The following ANKFN1 variants were observed in gnomAD, a reference collection of about 807,000 sequenced individuals.
ANKFN1 encodes ankyrin repeat and fibronectin type-III domain-containing protein 1.
A neutral mutation model predicts 108.7 loss-of-function variants in ANKFN1; 74 were observed. The ratio of observed to expected loss-of-function variants is 0.68; its 90% confidence interval spans 0.56 to 0.83. ANKFN1 has a LOEUF of 0.83. Among genes scored for constraint, ANKFN1 ranks in the 40% least tolerant of loss-of-function variants. The pLI is 0.00. For missense variants in ANKFN1, 1,505 were observed against 1,382.3 expected (o/e 1.09, Z -1.41); for synonymous variants, 547 against 516.2 (o/e 1.06, Z -0.81).
At chr17:56,276,151 A>G (rs1275331138) in intron 3 of ANKFN1, among the ~76,000 whole-genome samples, 1 of 152,122 alleles carries the variant, frequency 6.6e-6, no homozygotes, top group African/African-American at 2.4e-5. Context: ...TTTGCTGAGA[A>G]TGATGGTTTC....
chr17:56,498,194 T>A (rs999723529), intron 19 of ANKFN1, among the ~76,000 whole-genome samples: 4 of 152,280 alleles, frequency 2.6e-5, no homozygotes, highest in African/African-American at 9.6e-5. Flanking sequence ...TTTTGAACTT[T>A]AGAAGCCCTT....
intron 3 of ANKFN1, among the ~76,000 whole-genome samples, chr17:56,243,122 G>A (rs1417041575): frequency 6.6e-6 from 1 of 151,924 alleles, no homozygotes; most frequent in South Asian, 2.1e-4. Context: ...ATTTTCTTTT[G>A]TTGTTGTGGT....
In ANKFN1 at chr17:56,197,700, T is replaced by TTA. The variant is rs367661731; in HGVS notation, c.-70-14897_-70-14896insAT. On this transcript the variant is annotated intron_variant, in intron 1 of 20. Coordinates refer to ENST00000682825, the MANE Select transcript of ANKFN1 (RefSeq NM_001370326.1). The stretch of plus-strand genomic sequence containing the variant: ...AAGGACAAATCCCCTTAAAAACACT[T>TTA]TGTCTTCTGACTACCTGGATTTATA... Among the ~76,000 whole-genome samples, 262 of 152,364 alleles carry TTA rather than the reference T, an allele frequency of 1.7e-3. 3 individuals are homozygous for TTA. Among genetic ancestry groups the TTA allele is most frequent in the African/African-American group, 6.1e-3 (252 of 41,586 alleles).
chr17:56,382,871 A>T (rs2047147784), intron 8 of ANKFN1, among the ~76,000 whole-genome samples: 1 of 152,134 alleles, frequency 6.6e-6, no homozygotes, highest in Admixed American at 6.5e-5. Context: ...CTCCCACACA[A>T]TAATAATGGG....
chr17:56,047,068 A>T (rs1327107704), intron 4 of ANKFN1, among the ~76,000 whole-genome samples: 1 of 152,088 alleles, frequency 6.6e-6, no homozygotes, highest in Non-Finnish European at 1.5e-5. Context: ...GGTAAGAATG[A>T]TTTTGCTGTA....
At chr17:56,491,159 T>C (rs2145415062) in intron 18 of ANKFN1, among the ~76,000 whole-genome samples, 2 of 152,258 alleles carry the variant, frequency 1.3e-5, no homozygotes, top group African/African-American at 4.8e-5. Context: ...TAGATGTTCT[T>C]CCTAGAATTC....
chr17:56,457,344 C>T lies in ANKFN1; in HGVS notation c.1395C>T (p.Asp465=), dbSNP rs1485225995. ...EDQVPIVEID[D]SHTSSITQDF... is the part of the protein sequence containing the mutation. ...AAGTACCAATTGTTGAAATAGATGA[C>T]TCTCACACCAGTTCTATTACACAAG... The change falls in exon 13 of 21, where the codon GAC becomes GAT. Residue 465 remains aspartate, a synonymous_variant. Coordinates refer to ENST00000682825, the MANE Select transcript of ANKFN1 (RefSeq NM_001370326.1). The T allele has an allele frequency of 1.2e-6, 2 of 1,606,770 alleles. No individual in the cohort carries two copies. The highest frequency in any genetic ancestry group is 1.3e-5 in the African/African-American group (1 of 74,528).
At chr17:56,061,519 C>T (rs1375392409) in intron 4 of ANKFN1, among the ~76,000 whole-genome samples, 1 of 151,936 alleles carries the variant, frequency 6.6e-6, no homozygotes, top group East Asian at 1.9e-4. Flanking sequence ...GTGATCTGCC[C>T]ACCTTGGCCT....
intron 3 of ANKFN1, among the ~76,000 whole-genome samples, chr17:56,239,050 T>C (rs1285440413): frequency 2.0e-5 from 3 of 152,154 alleles, no homozygotes; most frequent in African/African-American, 7.2e-5. Flanking sequence ...GCCATGAAAA[T>C]GTTTTCATCT....
At chr17:56,072,531 CA>C (rs1197358292) in intron 4 of ANKFN1, among the ~76,000 whole-genome samples, 1 of 152,164 alleles carries the variant, frequency 6.6e-6, no homozygotes, top group Non-Finnish European at 1.5e-5. Flanking sequence ...TGCTACCTCC[CA>C]AAGGTAGCAT....
At chr17:56,112,365 G>T (rs987582386) in intron 4 of ANKFN1, among the ~76,000 whole-genome samples, 4 of 151,814 alleles carry the variant, frequency 2.6e-5, no homozygotes, top group African/African-American at 9.7e-5. Flanking sequence ...GATCTAGTCG[G>T]GTTACAACTA....
intron 2 of ANKFN1, among the ~76,000 whole-genome samples, chr17:56,216,581 C>T (rs1039255080): frequency 6.6e-6 from 1 of 152,196 alleles, no homozygotes; most frequent in Non-Finnish European, 1.5e-5. Flanking sequence ...GTGCAGAAAT[C>T]AAAGACCTTT....
At chr17:56,055,153 T>C (rs1904845777) in intron 4 of ANKFN1, among the ~76,000 whole-genome samples, 1 of 151,976 alleles carries the variant, frequency 6.6e-6, no homozygotes, top group Non-Finnish European at 1.5e-5. Flanking sequence ...TGGCTTCTAA[T>C]GTACCCATTA....
At chr17:56,453,313 G>A (rs1249179087) in intron 11 of ANKFN1, among the ~76,000 whole-genome samples, 4 of 151,378 alleles carry the variant, frequency 2.6e-5, no homozygotes, top group African/African-American at 9.7e-5. Flanking sequence ...ACATTATAAT[G>A]ATAAATTATA....
chr17:56,371,317 G>A (rs762339441), intron 6 of ANKFN1, among the ~76,000 whole-genome samples: 9 of 152,192 alleles, frequency 5.9e-5, no homozygotes, highest in African/African-American at 1.2e-4. Flanking sequence ...CATTGACCTC[G>A]TCTGTAAATA....
chr17:56,115,850 C>G (rs995066951), intron 4 of ANKFN1, among the ~76,000 whole-genome samples: 16 of 152,168 alleles, frequency 1.1e-4, no homozygotes, highest in African/African-American at 3.9e-4. Context: ...AGTTCTGGTT[C>G]TCTTGAGCCC....
chr17:56,264,538 A>T (rs1193509907), intron 3 of ANKFN1, among the ~76,000 whole-genome samples: 1 of 152,186 alleles, frequency 6.6e-6, no homozygotes, highest in East Asian at 1.9e-4. Context: ...TGATTTGGGA[A>T]CATTTCCCAC....
intron 8 of ANKFN1, among the ~76,000 whole-genome samples, chr17:56,405,333 G>C (rs139545660): frequency 6.6e-6 from 1 of 152,272 alleles, no homozygotes; most frequent in African/African-American, 2.4e-5. Context: ...AAACTAACTT[G>C]AGGTATCACT....
intron 3 of ANKFN1, among the ~76,000 whole-genome samples, chr17:56,293,912 GCCC>G (rs1469861174): frequency 6.6e-6 from 1 of 152,106 alleles, no homozygotes; most frequent in Non-Finnish European, 1.5e-5. Flanking sequence ...TGGAATGCAG[GCCC>G]CCACAAGCTT....
Sources: allele counts gnomAD v4.1 joint callset (sites outside exome capture counted in the v4.1 genomes callset), GRCh38; gene constraint gnomAD v4.1.1; transcripts MANE v1.5; gene names NCBI Gene and HGNC (gene_info 2026-07-23, HGNC 2026-07-21).